GRIK4: variants seen among roughly 807,000 people sequenced by gnomAD.
GRIK4 encodes the protein glutamate ionotropic receptor kainate type subunit 4.
In GRIK4, 40 loss-of-function variants were observed where a neutral mutation model predicts 104.9. The observed-to-expected ratio is 0.38, with a 90% CI of 0.30 to 0.50. The LOEUF (loss-of-function observed/expected upper bound fraction) is 0.50, where lower values mean the gene tolerates loss of function less well. Ranked by LOEUF, GRIK4 falls within the 20% of genes least tolerant of loss-of-function variation. GRIK4 has a pLI of 0.93. For synonymous variants in GRIK4, 485 were observed against 524.9 expected (o/e 0.92, Z 1.04); for missense variants, 1,047 against 1,308.1 (o/e 0.80, Z 3.08).
chr11:120,519,014 A>G (rs1215767343), intron 1 of GRIK4, among the ~76,000 whole-genome samples: 1 of 152,216 alleles, frequency 6.6e-6, no homozygotes, highest in African/African-American at 2.4e-5. Context: ...CAGTTGCAAC[A>G]TCCAAACAAA....
rs1408710612 is a variant in GRIK4, at chr11:120,960,812, G to T, written c.1875-97G>T. ...CTGAAAGCTCTTTCATAAGAAAGATGCCTGGTCTCTCCCATGTCACAGCAG... is the reference window on the plus strand; with the variant it reads ...CTGAAAGCTCTTTCATAAGAAAGATTCCTGGTCTCTCCCATGTCACAGCAG... On this transcript the variant is annotated intron_variant, in intron 16 of 20. Coordinates refer to ENST00000527524, the MANE Select transcript of GRIK4 (RefSeq NM_014619.5). The T allele has an allele frequency of 7.9e-6, 7 of 887,814 alleles. No homozygotes were observed. In the African/African-American group the frequency reaches 8.5e-5, roughly 11 times the overall value. The allele number at this position is 887,814 out of a possible 1,614,324, so 55.0% of individuals were successfully genotyped here.
intron 14 of GRIK4, among the ~76,000 whole-genome samples, chr11:120,946,517 A>G (rs892560644): frequency 6.6e-6 from 1 of 152,252 alleles, no homozygotes; most frequent in Non-Finnish European, 1.5e-5. Flanking sequence ...CTCTTAAAAA[A>G]TTAAATAATT....
At chr11:120,689,885 C>T (rs1360251838) in intron 3 of GRIK4, among the ~76,000 whole-genome samples, 1 of 152,202 alleles carries the variant, frequency 6.6e-6, no homozygotes, top group Admixed American at 6.5e-5. Flanking sequence ...TGGTCTCCAC[C>T]ACAGCTCCTT....
At chr11:120,958,109 A>G (rs1298707801) in intron 16 of GRIK4, among the ~76,000 whole-genome samples, 1 of 152,208 alleles carries the variant, frequency 6.6e-6, no homozygotes, top group East Asian at 1.9e-4. Context: ...GCCCTGGGAG[A>G]GGAGCATCGG....
At chr11:120,944,619 G>T (rs1943812265) in intron 14 of GRIK4, among the ~76,000 whole-genome samples, 1 of 152,166 alleles carries the variant, frequency 6.6e-6, no homozygotes, top group Non-Finnish European at 1.5e-5. Flanking sequence ...CTTGGTTCAG[G>T]CTTTCCTAAT....
intron 13 of GRIK4, among the ~76,000 whole-genome samples, chr11:120,928,818 G>C (rs1177599558): frequency 6.6e-6 from 1 of 152,178 alleles, no homozygotes; most frequent in African/African-American, 2.4e-5. Flanking sequence ...GGAGCACTTG[G>C]ACCTGCGGAT....
At chr11:120,550,923 G>A (rs2266102) in intron 1 of GRIK4, among the ~76,000 whole-genome samples, 13,048 of 152,134 alleles carry the variant, frequency 0.086, 1,860 homozygotes, top group African/African-American at 0.29. Context: ...GCTGAGTGGG[G>A]TCTTTCATTT....
chr11:120,896,497 A>G (rs1942585762), intron 11 of GRIK4, among the ~76,000 whole-genome samples: 1 of 152,200 alleles, frequency 6.6e-6, no homozygotes, highest in Non-Finnish European at 1.5e-5. Context: ...GGACGGGAGC[A>G]TTTGGTCATC....
rs1944787230 is a variant in GRIK4 at position 120,988,142 on chromosome 11, T to G, written c.*1882T>G. On this transcript the variant is annotated 3_prime_UTR_variant, in exon 21 of 21. Coordinates refer to ENST00000527524, the MANE Select transcript of GRIK4 (RefSeq NM_014619.5). ...CCCTGATTATTCCTGTGAGGGATAC[T>G]CGTTTTGTCCTCACCTGACCTCACT... The G allele has an allele frequency of 6.6e-6, 1 of 152,282 alleles. No individual in the cohort carries two copies. 9.4% of individuals were successfully genotyped at this position (152,282 alleles called of 1,614,324 possible).
intron 1 of GRIK4, among the ~76,000 whole-genome samples, chr11:120,600,202 C>T (rs1260788487): frequency 6.6e-6 from 1 of 152,200 alleles, no homozygotes; most frequent in East Asian, 1.9e-4. Flanking sequence ...ACTCTTAAAG[C>T]TGCTCCTCCC....
chr11:120,784,407 A>G (rs548859078), intron 3 of GRIK4, among the ~76,000 whole-genome samples: 9 of 152,252 alleles, frequency 5.9e-5, no homozygotes, highest in Non-Finnish European at 7.4e-5. Flanking sequence ...TATTCTTGCA[A>G]AGAACTCAAA....
intron 3 of GRIK4, among the ~76,000 whole-genome samples, chr11:120,769,532 T>C (rs1951900856): frequency 6.6e-6 from 1 of 152,196 alleles, no homozygotes; most frequent in South Asian, 2.1e-4. Context: ...TTCTTTTGAC[T>C]TTTTCCCAAA....
At chr11:120,896,701 G>T (rs1942592042) in intron 11 of GRIK4, among the ~76,000 whole-genome samples, 2 of 152,368 alleles carry the variant, frequency 1.3e-5, no homozygotes, top group Non-Finnish European at 2.9e-5. Context: ...CCCATAGGGT[G>T]GGGGCGGCGA....
At chr11:120,548,509 C>T (rs7940779) in intron 1 of GRIK4, among the ~76,000 whole-genome samples, 17,561 of 151,790 alleles carry the variant, frequency 0.12, 1,450 homozygotes, top group East Asian at 0.3. Flanking sequence ...GCAGGAGGAG[C>T]GGGAGGAGAT....
chr11:120,902,941 C>G lies in GRIK4; in HGVS notation c.1273-2349C>G, dbSNP rs1306848241. Among the ~76,000 whole-genome samples the G allele has an allele frequency of 6.6e-6, 1 of 152,142 alleles. No homozygotes were observed. The highest frequency in any genetic ancestry group is 2.4e-5 in the African/African-American group (1 of 41,416). ...CCAGAATCAGAATCACGTCACCTTCCACTCAGAGCTCCCGCTCCCTGACAC... is the reference window on the plus strand; with the variant it reads ...CCAGAATCAGAATCACGTCACCTTCGACTCAGAGCTCCCGCTCCCTGACAC... On this transcript the variant is annotated intron_variant, in intron 12 of 20. Coordinates refer to ENST00000527524, the MANE Select transcript of GRIK4 (RefSeq NM_014619.5). The surrounding 1 kb of genome is among the most constrained non-coding windows in gnomAD (Gnocchi z 4.5).
chr11:120,682,197 G>T (rs1474032396), intron 3 of GRIK4, among the ~76,000 whole-genome samples: 1 of 152,170 alleles, frequency 6.6e-6, no homozygotes, highest in Non-Finnish European at 1.5e-5. Flanking sequence ...GCAAATCCTG[G>T]TGTCTCTCAG....
chr11:120,538,481 T>C (rs1429755062), intron 1 of GRIK4, among the ~76,000 whole-genome samples: 1 of 152,188 alleles, frequency 6.6e-6, no homozygotes, highest in East Asian at 1.9e-4. Context: ...GACTTAACAT[T>C]CCAAGCAGAT....
intron 13 of GRIK4, among the ~76,000 whole-genome samples, chr11:120,928,387 AG>A (rs1943401424): frequency 6.6e-6 from 1 of 152,064 alleles, no homozygotes; most frequent in Non-Finnish European, 1.5e-5. Context: ...AATCTTAAGA[AG>A]TATACATTAT....
At chr11:120,942,299 T>C (rs1403419645) in intron 14 of GRIK4, among the ~76,000 whole-genome samples, 1 of 152,182 alleles carries the variant, frequency 6.6e-6, no homozygotes, top group Non-Finnish European at 1.5e-5. Flanking sequence ...CATCGTTACA[T>C]CTGTTGGTAC....
Sources: gnomAD v4.1 joint callset for allele counts (sites outside exome capture counted in the v4.1 genomes callset) on GRCh38, gnomAD v4.1.1 for gene constraint, Gnocchi (gnomAD v3.1) non-coding constraint, MANE v1.5 for transcripts, NCBI Gene and HGNC (gene_info 2026-07-23, HGNC 2026-07-21) for gene names.